WNK2: variants seen among roughly 807,000 people sequenced by gnomAD.
WNK2 encodes WNK lysine deficient protein kinase 2.
WNK2 carries 67 observed loss-of-function variants against 192.1 expected under a neutral mutation model. The observed-to-expected ratio is 0.35, with a 90% CI of 0.29 to 0.43. The LOEUF (loss-of-function observed/expected upper bound fraction) is 0.43. Ranked by LOEUF, WNK2 falls within the 20% of genes least tolerant of loss-of-function variation. The pLI is 1.00. For missense variants in WNK2, 2,698 were observed against 3,089.7 expected (o/e 0.87, Z 3.01); for synonymous variants, 1,439 against 1,393.9 (o/e 1.03, Z -0.72).
intron 28 of WNK2, among the ~76,000 whole-genome samples, chr9:93,312,029 C>T (rs1285911982): frequency 1.3e-5 from 2 of 152,154 alleles, no homozygotes; most frequent in African/African-American, 4.8e-5. Context: ...TATTGAGCGG[C>T]TTTTCATGTG....
At position 93,302,368 on chromosome 9, in the gene WNK2, G is replaced by A. The variant is rs186426389; in HGVS notation, c.6214+2219G>A. ...GGTGTATGGAAGACACCGAGGGGTCGGGGGTCGCGCTGCAAGTAGAGGAGG... is the reference window on the plus strand; with the variant it reads ...GGTGTATGGAAGACACCGAGGGGTCAGGGGTCGCGCTGCAAGTAGAGGAGG... On this transcript the variant is annotated intron_variant, in intron 26 of 29. Coordinates refer to ENST00000427277, the MANE Select transcript of WNK2 (RefSeq NM_006648.4). Among the ~76,000 whole-genome samples, 770 of 152,160 alleles carry A rather than the reference G, an allele frequency of 5.1e-3. 4 individuals carry two copies. Among genetic ancestry groups the A allele is most frequent in the East Asian group, 0.024 (125 of 5,152 alleles).
At chr9:93,305,440 G>A (rs970054937) in intron 26 of WNK2, among the ~76,000 whole-genome samples, 2 of 152,152 alleles carry the variant, frequency 1.3e-5, no homozygotes, top group African/African-American at 4.8e-5. Context: ...AGAGCAGCCA[G>A]GGAACAGCCC....
At chr9:93,319,245 A>C in intron 29 of WNK2, 1 of 1,582,710 alleles carries the variant, frequency 6.3e-7, no homozygotes, top group Non-Finnish European at 8.6e-7. Context: ...CCCTCTATCC[A>C]TATAAAATCC....
intron 19 of WNK2, among the ~76,000 whole-genome samples, chr9:93,282,086 T>G (rs1847828461): frequency 6.6e-6 from 1 of 152,202 alleles, no homozygotes; most frequent in African/African-American, 2.4e-5. Context: ...GAATTTTGAC[T>G]GGATGAAAAA....
chr9:93,292,103 A>G (rs1007738941), intron 21 of WNK2, among the ~76,000 whole-genome samples: 5 of 152,160 alleles, frequency 3.3e-5, no homozygotes, highest in African/African-American at 1.2e-4. Context: ...CCAAGACATC[A>G]TGGAGTATTT....
At chr9:93,201,119 A>G (rs1283725704) in intron 2 of WNK2, among the ~76,000 whole-genome samples, 2 of 152,058 alleles carry the variant, frequency 1.3e-5, no homozygotes, top group Non-Finnish European at 2.9e-5. Flanking sequence ...GGTACCACCC[A>G]TCCTTTCCAT....
chr9:93,188,860 G>A (rs1225875410), intron 2 of WNK2, among the ~76,000 whole-genome samples: 1 of 152,226 alleles, frequency 6.6e-6, no homozygotes, highest in East Asian at 1.9e-4. Context: ...ACGGGGAGGT[G>A]CCTGGCGTGG....
At chr9:93,238,400 T>G (rs1325296769) in intron 6 of WNK2, 79 bp downstream of exon 6, 1 of 1,373,430 alleles carries the variant, frequency 7.3e-7, no homozygotes, top group Non-Finnish European at 1.0e-6. Flanking sequence ...AGCTGTGTTC[T>G]TGATGAGGGG....
chr9:93,292,346 G>A lies in WNK2; in HGVS notation c.4975G>A (p.Asp1659Asn). Reference protein sequence around the residue: ...SPRSMLGYDRDGRQVASDSHV... With the variant: ...SPRSMLGYDRNGRQVASDSHV... ...CAGGAGTATGCTAGGCTATGACAGAGATGGAAGGCAGGTGGCCTCAGACTC... is the reference window on the plus strand; with the variant it reads ...CAGGAGTATGCTAGGCTATGACAGAAATGGAAGGCAGGTGGCCTCAGACTC... Residue 1659 changes from aspartate (D) to asparagine (N), a missense_variant, in exon 22 of 30, where the codon GAT (aspartate) becomes AAT (asparagine). By Grantham distance (23) the Asp-to-Asn change is conservative. Transcript: ENST00000427277. 1 of 1,613,974 alleles carries A rather than the reference G, an allele frequency of 6.2e-7. No individual in the cohort carries two copies. Among genetic ancestry groups the A allele is most frequent in the Non-Finnish European group, 8.5e-7 (1 of 1,179,898 alleles).
chr9:93,223,434 C>T (rs1252790452), intron 2 of WNK2, among the ~76,000 whole-genome samples: 5 of 152,230 alleles, frequency 3.3e-5, no homozygotes, highest in East Asian at 1.9e-4. Flanking sequence ...AGCTTTTCTT[C>T]GGGGGCAGGG....
intron 2 of WNK2, among the ~76,000 whole-genome samples, chr9:93,191,107 GA>G (rs1830259290): frequency 6.6e-6 from 1 of 152,134 alleles, no homozygotes. Context: ...CAGGCTCTGG[GA>G]AGCAAGTGGC....
At chr9:93,211,625 C>CT in intron 2 of WNK2, among the ~76,000 whole-genome samples, 2 of 149,500 alleles carry the variant, frequency 1.3e-5, no homozygotes, top group Non-Finnish European at 3.0e-5. Context: ...CATTCACTCA[C>CT]CCACCCACTC....
At chr9:93,264,873 TATC>T (rs1313945444) in intron 16 of WNK2, among the ~76,000 whole-genome samples, 1 of 152,204 alleles carries the variant, frequency 6.6e-6, no homozygotes, top group Non-Finnish European at 1.5e-5. Flanking sequence ...CTCAAGTTAA[TATC>T]ATAGATTGCC....
chr9:93,299,063 C>G lies in WNK2; in HGVS notation c.5924-7C>G, dbSNP rs371355335. 2.5e-5 allele frequency: 40 copies of G among 1,607,628 alleles called. No homozygotes were observed. Among genetic ancestry groups the G allele is most frequent in the Middle Eastern group, 2.2e-4 (1 of 4,598 alleles). On this transcript the variant is annotated splice_region_variant and splice_polypyrimidine_tract_variant and intron_variant, in intron 24 of 29. Transcript: ENST00000427277. ...TCGTGCCTGTCGCCTCTTCTCCCCC[C>G]GCCCAGGTCACTTGGCTGACTCCAG... is the stretch of plus-strand genomic sequence containing the variant.
chr9:93,234,345 C>T (rs1185037783), intron 4 of WNK2, among the ~76,000 whole-genome samples: 1 of 152,188 alleles, frequency 6.6e-6, no homozygotes, highest in African/African-American at 2.4e-5. Context: ...CCAGCCTTTC[C>T]CCACTTTGGG....
chr9:93,246,320 C>T (rs1371423840), intron 7 of WNK2, among the ~76,000 whole-genome samples: 4 of 152,200 alleles, frequency 2.6e-5, no homozygotes, highest in African/African-American at 4.8e-5. Flanking sequence ...CTTAGAGCCG[C>T]GCTGCATTCC....
intron 2 of WNK2, among the ~76,000 whole-genome samples, chr9:93,201,427 G>A (rs143498732): frequency 7.4e-4 from 113 of 152,340 alleles, no homozygotes; most frequent in Non-Finnish European, 1.3e-3. Context: ...GCATGCTCTT[G>A]GCAGCCCGGG....
At chr9:93,237,726 C>G (rs1840062889) in intron 5 of WNK2, among the ~76,000 whole-genome samples, 1 of 152,214 alleles carries the variant, frequency 6.6e-6, no homozygotes, top group African/African-American at 2.4e-5. Flanking sequence ...TGTGTGAACT[C>G]TGTGAATTGC....
chr9:93,304,890 TGGGGCCCAAGTTTAGGA>T (rs377618925), intron 26 of WNK2, among the ~76,000 whole-genome samples: 26 of 152,214 alleles, frequency 1.7e-4, no homozygotes, highest in Non-Finnish European at 3.5e-4. Context: ...CACTGGTCAC[TGGGGCCCAAGTTTAGGA>T]GGGGCCCAAG....
Sources: allele counts gnomAD v4.1 joint callset (sites outside exome capture counted in the v4.1 genomes callset), GRCh38; gene constraint gnomAD v4.1.1; transcripts MANE v1.5; gene names NCBI Gene and HGNC (gene_info 2026-07-23, HGNC 2026-07-21).